The following ATP10B variants were observed in gnomAD, a reference collection of about 807,000 sequenced individuals.
ATP10B encodes phospholipid-transporting ATPase VB.
A neutral mutation model predicts 141.2 loss-of-function variants in ATP10B; 122 were observed. The observed-to-expected ratio is 0.86, with a 90% CI of 0.75 to 1.00. The LOEUF (loss-of-function observed/expected upper bound fraction) is 1.00, where lower values mean the gene tolerates loss of function less well. ATP10B is among the 50% of genes least tolerant of loss of function. The probability of loss-of-function intolerance (pLI) is 0.00; values close to 1 mark genes in which losing one functional copy is unlikely to be tolerated. For missense variants in ATP10B, 1,876 were observed against 1,825.3 expected (o/e 1.03, Z -0.51); for synonymous variants, 685 against 692.0 (o/e 0.99, Z 0.16).
At chr5:160,859,616 A>G in the ATP10B span, among the ~76,000 whole-genome samples, 1 of 151,710 alleles carries the variant, frequency 6.6e-6, no homozygotes, top group South Asian at 2.1e-4. Flanking sequence ...TCTACTATTT[A>G]TCTTCCAGGC....
chr5:160,729,951 C>G (rs1013710325), intron 2 of ATP10B, among the ~76,000 whole-genome samples: 12 of 152,140 alleles, frequency 7.9e-5, no homozygotes, highest in African/African-American at 2.7e-4. Flanking sequence ...TGAAGCTATA[C>G]TTGCTTCATT....
intron 6 of ATP10B, among the ~76,000 whole-genome samples, chr5:160,678,014 C>A (rs1484077839): frequency 6.6e-6 from 1 of 152,136 alleles, no homozygotes; most frequent in Non-Finnish European, 1.5e-5. Context: ...ATGAGGCCAC[C>A]TACATCCCTT....
chr5:160,838,549 T>C (rs1775608550), intron 1 of ATP10B, among the ~76,000 whole-genome samples: 1 of 152,202 alleles, frequency 6.6e-6, no homozygotes, highest in South Asian at 2.1e-4. Context: ...ATGGAAAATA[T>C]ATTCTTTAGT....
At chr5:160,746,256 A>G (rs1767796460) in intron 2 of ATP10B, among the ~76,000 whole-genome samples, 1 of 152,152 alleles carries the variant, frequency 6.6e-6, no homozygotes, top group Non-Finnish European at 1.5e-5. Flanking sequence ...CCTCACTCAG[A>G]GTGGAGCCCT....
At chr5:160,918,024 T>A in the ATP10B span, among the ~76,000 whole-genome samples, 18 of 152,352 alleles carry the variant, frequency 1.2e-4, no homozygotes, top group African/African-American at 3.8e-4. Flanking sequence ...AACATCCTCA[T>A]AGGACCACAG....
chr5:160,569,000 T>C (rs1322692626), intron 25 of ATP10B, among the ~76,000 whole-genome samples: 1 of 152,214 alleles, frequency 6.6e-6, no homozygotes, highest in African/African-American at 2.4e-5. Flanking sequence ...TTTGAATTTC[T>C]GGGAAAATGC....
the ATP10B span, among the ~76,000 whole-genome samples, chr5:160,873,756 T>G: frequency 7.9e-5 from 12 of 152,132 alleles, no homozygotes; most frequent in African/African-American, 2.9e-4. Context: ...CCTTTCCGAG[T>G]CAAAGAAAGG....
intron 7 of ATP10B, among the ~76,000 whole-genome samples, chr5:160,661,603 G>A (rs370218101): frequency 6.0e-4 from 92 of 152,250 alleles, no homozygotes; most frequent in Middle Eastern, 3.4e-3. Flanking sequence ...ATTAAGTGAT[G>A]GGTCCATAGA....
intron 1 of ATP10B, among the ~76,000 whole-genome samples, chr5:160,832,747 CAGAGAG>C (rs367958884): frequency 6.6e-6 from 1 of 152,026 alleles, no homozygotes; most frequent in Non-Finnish European, 1.5e-5. Context: ...ATATGATAAA[CAGAGAG>C]AGAGAAGCTA....
chr5:160,809,787 A>G (rs904267861), intron 1 of ATP10B, among the ~76,000 whole-genome samples: 3 of 152,222 alleles, frequency 2.0e-5, no homozygotes, highest in African/African-American at 7.2e-5. Flanking sequence ...CCTTAAACAT[A>G]GAACTCATCT....
At chr5:160,703,797 G>C (rs1288165035) in intron 3 of ATP10B, among the ~76,000 whole-genome samples, 1 of 152,112 alleles carries the variant, frequency 6.6e-6, no homozygotes, top group Admixed American at 6.6e-5. Context: ...ACTGATAAGG[G>C]GGGTGGTGAC....
rs138871586 is a variant in ATP10B at position 160,758,939 on chromosome 5, C to T, written c.-331+26620G>A. The stretch of plus-strand genomic sequence containing the variant: ...TCCTTTTTCACTGTCTGCCATGGTA[C>T]ATGATTTTCTTGGGAAACCCACAAT... On this transcript the variant is annotated intron_variant, in intron 2 of 25. Transcript: ENST00000327245. 5.5e-3 allele frequency among the ~76,000 whole-genome samples: 838 copies of T among 152,286 alleles called. 9 individuals are homozygous for T. The highest frequency in any genetic ancestry group is 0.018 in the African/African-American group (758 of 41,542).
intron 2 of ATP10B, among the ~76,000 whole-genome samples, chr5:160,753,222 T>G (rs2096729522): frequency 6.6e-6 from 1 of 152,186 alleles, no homozygotes; most frequent in East Asian, 1.9e-4. Context: ...GGAAACGTCG[T>G]TCCTCCTTCT....
chr5:160,872,911 A>G, the ATP10B span, among the ~76,000 whole-genome samples: 1 of 151,836 alleles, frequency 6.6e-6, no homozygotes, highest in Non-Finnish European at 1.5e-5. Context: ...TCTGTGAAGA[A>G]CGACGGTGGT....
chr5:160,676,786 C>T (rs1389632593), intron 6 of ATP10B, among the ~76,000 whole-genome samples: 2 of 152,168 alleles, frequency 1.3e-5, no homozygotes, highest in African/African-American at 4.8e-5. Flanking sequence ...ATAATGAACC[C>T]AGCATTTAAC....
the ATP10B span, among the ~76,000 whole-genome samples, chr5:160,895,228 C>T: frequency 0.5 from 70,038 of 138,896 alleles, 17,258 homozygotes; most frequent in East Asian, 0.66. Context: ...TATAAACAGG[C>T]TAAATGCCCC....
chr5:160,919,223 C>CAAAAAAAAAAAAAAA, the ATP10B span, among the ~76,000 whole-genome samples: 138 of 26,900 alleles, frequency 5.1e-3, 6 homozygotes, highest in Middle Eastern at 0.024. Context: ...AACTCCGTCT[C>CAAAAAAAAAAAAAAA]AAAAAAAAAA....
intron 15 of ATP10B, among the ~76,000 whole-genome samples, chr5:160,619,611 G>T (rs1043971726): frequency 6.6e-6 from 1 of 152,208 alleles, no homozygotes; most frequent in Non-Finnish European, 1.5e-5. Context: ...CAATTCTGAA[G>T]CTTGGCTGGA....
intron 22 of ATP10B, among the ~76,000 whole-genome samples, chr5:160,598,303 C>T (rs1450079027): frequency 6.6e-6 from 1 of 151,764 alleles, no homozygotes; most frequent in Non-Finnish European, 1.5e-5. Context: ...AACCAAATAC[C>T]ACATGTTCTC....
Sources: gnomAD v4.1 joint callset for allele counts (sites outside exome capture counted in the v4.1 genomes callset) on GRCh38, gnomAD v4.1.1 for gene constraint, MANE v1.5 for transcripts, NCBI Gene and HGNC (gene_info 2026-07-23, HGNC 2026-07-21) for gene names.